CCDC170: variants seen among roughly 807,000 people sequenced by gnomAD.
The protein encoded by CCDC170 is coiled-coil domain-containing protein 170.
A neutral mutation model predicts 72.6 loss-of-function variants in CCDC170; 69 were observed. That is an observed-to-expected ratio of 0.95 (90% confidence interval 0.78 to 1.16). The LOEUF (loss-of-function observed/expected upper bound fraction) is 1.16, where lower values mean the gene tolerates loss of function less well. Among genes scored for constraint, CCDC170 ranks in the 50% most tolerant of loss-of-function variants. The pLI is 0.00. For missense variants in CCDC170, 852 were observed against 832.5 expected, an observed-to-expected ratio of 1.02 and a Z score of -0.29; for synonymous variants, 300 against 303.9, an observed-to-expected ratio of 0.99 and a Z score of 0.13.
At chr6:151,561,445 G>C (rs1776029273) in intron 5 of CCDC170, among the ~76,000 whole-genome samples, 1 of 151,976 alleles carries the variant, frequency 6.6e-6, no homozygotes, top group Non-Finnish European at 1.5e-5. Context: ...TTGCTTGTCT[G>C]GGAAAGACTA....
chr6:151,596,438 T>A lies in CCDC170; in HGVS notation c.1571T>A (p.Leu524Ter). 1 of 1,614,086 alleles carries A rather than the reference T, an allele frequency of 6.2e-7. No homozygotes were observed. The highest frequency in any genetic ancestry group is 8.5e-7 in the Non-Finnish European group (1 of 1,180,002). The change falls in exon 9 of 11, where the codon TTG becomes TAG. Residue 524 changes from leucine (L) to a stop codon, truncating the protein, a stop_gained. Transcript: ENST00000239374. LOFTEE classifies it high-confidence loss of function. ...GAGGAGAAGCAGGCACGCACGGCCT[T>A]GGTGGTTGAGAGGGACAACGCGCAT... ...LEEEKQARTA[L>*]VVERDNAHLT...
rs1182565426 is a variant in CCDC170, at chr6:151,540,403, G to T, written c.443+2102G>T. 1.4e-3 allele frequency among the ~76,000 whole-genome samples: 12 copies of T among 8,748 alleles called. No individual in the cohort carries two copies. The Admixed American group carries it at 0.029, about 21-fold the overall frequency. 5.7% of individuals were successfully genotyped at this position (8,748 alleles called of 152,430 possible). ...TTTTTTTTTTTTTTTTTTTTTTTTT[G>T]TGACAGAGTGTTGCTCTGTTGCCCA... is the stretch of plus-strand genomic sequence containing the variant. On this transcript the variant is annotated intron_variant, in intron 3 of 10. Transcript: ENST00000239374.
At chr6:151,580,397 A>C (rs940373988) in intron 6 of CCDC170, among the ~76,000 whole-genome samples, 2 of 152,080 alleles carry the variant, frequency 1.3e-5, no homozygotes, top group Non-Finnish European at 2.9e-5. Context: ...CATCTTGTGG[A>C]CATTTTTCTG....
At chr6:151,596,711 G>A (rs1776631600) in intron 9 of CCDC170, 134 bp downstream of exon 9, 1 of 1,292,482 alleles carries the variant, frequency 7.7e-7, no homozygotes, top group Non-Finnish European at 1.0e-6. Flanking sequence ...TAGAATTATG[G>A]GAAAAATGCA....
chr6:151,609,725 C>T (rs1776840217), intron 9 of CCDC170, among the ~76,000 whole-genome samples: 1 of 152,184 alleles, frequency 6.6e-6, no homozygotes, highest in Non-Finnish European at 1.5e-5. Flanking sequence ...AGTCCCATTC[C>T]ACTCTCAGGA....
In CCDC170 at chr6:151,544,594, G is replaced by C; in HGVS notation, c.466G>C (p.Glu156Gln). 6.2e-7 allele frequency: 1 copy of C among 1,612,528 alleles called. No homozygotes were observed. Among genetic ancestry groups the C allele is most frequent in the Non-Finnish European group, 8.5e-7 (1 of 1,178,806 alleles). The stretch of plus-strand genomic sequence containing the variant: ...CAGAAAGTGTTCAAAAGAAAATGAG[G>C]AGAATAAGAAACAAGTTTCAAAGAA... Reference protein sequence around the residue: ...KLQKCSKENEENKKQVSKNCR... With the variant: ...KLQKCSKENEQNKKQVSKNCR... Residue 156 changes from glutamate to glutamine, a missense_variant, in exon 4 of 11, where the codon GAG becomes CAG. Transcript: ENST00000239374.
chr6:151,546,983 G>A (rs1782782342), intron 4 of CCDC170, among the ~76,000 whole-genome samples: 1 of 131,316 alleles, frequency 7.6e-6, no homozygotes, highest in East Asian at 2.3e-4. Context: ...GTGAGCAGGT[G>A]CCTGTCTTAA....
chr6:151,610,624 A>G (rs1583050808), intron 9 of CCDC170, among the ~76,000 whole-genome samples: 1 of 152,238 alleles, frequency 6.6e-6, no homozygotes, highest in East Asian at 1.9e-4. Flanking sequence ...AGATATTAAC[A>G]TTGAGACAAT....
intron 1 of CCDC170, among the ~76,000 whole-genome samples, chr6:151,503,963 T>C (rs1782030859): frequency 6.6e-6 from 1 of 152,144 alleles, no homozygotes; most frequent in South Asian, 2.1e-4. Flanking sequence ...TAAATATACT[T>C]GGCAGCTACA....
At chr6:151,573,523 TAAG>T (rs1562286776) in intron 6 of CCDC170, 32 bp downstream of exon 6, 1 of 1,584,420 alleles carries the variant, frequency 6.3e-7, no homozygotes, top group East Asian at 2.2e-5. Flanking sequence ...ACAGACATCT[TAAG>T]AACAGTGAGC....
intron 1 of CCDC170, among the ~76,000 whole-genome samples, chr6:151,508,939 C>G (rs1242352435): frequency 1.3e-5 from 2 of 151,408 alleles, no homozygotes; most frequent in East Asian, 3.9e-4. Flanking sequence ...CACTTGAACC[C>G]AGGAGGCGGA....
chr6:151,614,629 A>ATTTTTTTTTTTTTTTTTTTTTTTTTTTTT (rs34242496), intron 9 of CCDC170, among the ~76,000 whole-genome samples: 1 of 135,114 alleles, frequency 7.4e-6, no homozygotes, highest in Non-Finnish European at 1.6e-5. Flanking sequence ...TAACTTTTGT[A>ATTTTTTTTTTTTTTTTTTTTTTTTTTTTT]TTTTTTTTTT....
At chr6:151,550,254 G>A (rs183485636) in intron 5 of CCDC170, among the ~76,000 whole-genome samples, 1 of 152,302 alleles carries the variant, frequency 6.6e-6, no homozygotes, top group African/African-American at 2.4e-5. Context: ...AAAGTGAATG[G>A]CAGTGGCCCA....
At chr6:151,611,059 C>CA (rs1215722046) in intron 9 of CCDC170, among the ~76,000 whole-genome samples, 12 of 152,138 alleles carry the variant, frequency 7.9e-5, no homozygotes, top group Non-Finnish European at 1.5e-4. Flanking sequence ...GGGCGGATCA[C>CA]AAGGTGAGAA....
At chr6:151,514,293 C>A (rs1782196411) in intron 1 of CCDC170, among the ~76,000 whole-genome samples, 1 of 129,116 alleles carries the variant, frequency 7.7e-6, no homozygotes, top group Admixed American at 8.7e-5. Context: ...AGAGTGAAAT[C>A]CTGGAAAGAA....
Position 151,504,960 on chromosome 6 carries a change from G to A in CCDC170, c.57+10775G>A, listed in dbSNP as rs1209179646. On this transcript the variant is annotated intron_variant, in intron 1 of 10. Transcript: ENST00000239374. ...TGGAGGGCTAGAGAAGTGGGAAAAA[G>A]GAGAGACGCTCAGTAGAGAATGGGG... Among the ~76,000 whole-genome samples the A allele has an allele frequency of 3.9e-5, 6 of 152,192 alleles. No individual in the cohort carries two copies. In the East Asian group the frequency reaches 1.2e-3, roughly 29 times the overall value.
chr6:151,593,871 A>T (rs568549137), intron 8 of CCDC170, among the ~76,000 whole-genome samples: 1 of 152,324 alleles, frequency 6.6e-6, no homozygotes, highest in African/African-American at 2.4e-5. Flanking sequence ...GCTGCAAGGG[A>T]GGCTTGCAAA....
intron 4 of CCDC170, among the ~76,000 whole-genome samples, chr6:151,547,416 A>G (rs1450359785): frequency 2.0e-5 from 3 of 152,180 alleles, no homozygotes; most frequent in African/African-American, 7.2e-5. Context: ...TAGAGAGGGA[A>G]GCAAGTCACA....
At chr6:151,496,196 G>A (rs1781909764) in intron 1 of CCDC170, among the ~76,000 whole-genome samples, 1 of 152,186 alleles carries the variant, frequency 6.6e-6, no homozygotes, top group African/African-American at 2.4e-5. Context: ...CATAAGAGAT[G>A]TTATGTCTCA....
Sources: gnomAD v4.1 joint callset for allele counts (sites outside exome capture counted in the v4.1 genomes callset) on GRCh38, gnomAD v4.1.1 for gene constraint, MANE v1.5 for transcripts, NCBI Gene and HGNC (gene_info 2026-07-23, HGNC 2026-07-21) for gene names.